Variants in SLCO5A1 observed in about 807,000 individuals in gnomAD.
SLCO5A1 encodes the protein organic anion transporter polypeptide-related protein 4.
SLCO5A1 carries 39 observed loss-of-function variants against 65.1 expected under a neutral mutation model. That is an observed-to-expected ratio of 0.60 (90% CI 0.46 to 0.78). The LOEUF (loss-of-function observed/expected upper bound fraction) is 0.78. Among genes scored for constraint, SLCO5A1 ranks in the 30% least tolerant of loss-of-function variants. SLCO5A1 has a pLI of 0.00. For missense variants in SLCO5A1, 1,029 were observed against 1,069.4 expected, an observed-to-expected ratio of 0.96 and a Z score of 0.53; for synonymous variants, 438 against 415.7, an observed-to-expected ratio of 1.05 and a Z score of -0.65.
chr8:69,706,580 G>A (rs1814978645), intron 5 of SLCO5A1, among the ~76,000 whole-genome samples: 1 of 152,180 alleles, frequency 6.6e-6, no homozygotes, highest in Admixed American at 6.5e-5. Context: ...ACCTTTCCAT[G>A]TGAAGTTACA....
At chr8:69,787,967 G>A (rs1020015342) in intron 2 of SLCO5A1, among the ~76,000 whole-genome samples, 3 of 152,102 alleles carry the variant, frequency 2.0e-5, no homozygotes, top group Non-Finnish European at 4.4e-5. Flanking sequence ...CCCAAATCAT[G>A]AATCAAACCC....
chr8:69,818,762 T>G (rs1481923158), intron 2 of SLCO5A1, among the ~76,000 whole-genome samples: 1 of 152,122 alleles, frequency 6.6e-6, no homozygotes, highest in African/African-American at 2.4e-5. Context: ...TGATCAAAAT[T>G]CAATCATTAC....
intron 2 of SLCO5A1, among the ~76,000 whole-genome samples, chr8:69,781,144 C>T (rs1818775338): frequency 6.6e-6 from 1 of 152,212 alleles, no homozygotes; most frequent in Admixed American, 6.5e-5. Flanking sequence ...TGAGTCACTG[C>T]CAGGAAGCAC....
At chr8:69,726,953 T>C (rs970841703) in intron 5 of SLCO5A1, among the ~76,000 whole-genome samples, 2 of 152,234 alleles carry the variant, frequency 1.3e-5, no homozygotes, top group African/African-American at 4.8e-5. Context: ...TTATTACTAA[T>C]AAATGTGCAA....
At chr8:69,834,086 C>CCA (rs60625289) in intron 1 of SLCO5A1, 21,492 of 144,200 alleles carry the variant, frequency 0.15, 1,493 homozygotes, top group Admixed American at 0.2. Flanking sequence ...GCGTGCGCGG[C>CCA]CACACACACA....
At chr8:69,692,768 A>G (rs1351790910) in intron 6 of SLCO5A1, among the ~76,000 whole-genome samples, 2 of 152,194 alleles carry the variant, frequency 1.3e-5, no homozygotes, top group Admixed American at 6.5e-5. Context: ...TTCACGGACC[A>G]TAACATGCAT....
chr8:69,727,532 C>G (rs1469227602), intron 5 of SLCO5A1, among the ~76,000 whole-genome samples: 1 of 152,174 alleles, frequency 6.6e-6, no homozygotes, highest in East Asian at 1.9e-4. Context: ...TTTTCATCAA[C>G]TCTTCACTGG....
chr8:69,708,877 A>C (rs192860966), intron 5 of SLCO5A1, among the ~76,000 whole-genome samples: 88 of 152,284 alleles, frequency 5.8e-4, no homozygotes, highest in African/African-American at 2.1e-3. Context: ...ACTGCACTCC[A>C]GCCTGGGTGA....
intron 3 of SLCO5A1, among the ~76,000 whole-genome samples, chr8:69,757,946 G>GCCTCTACAA (rs1374928322): frequency 6.6e-6 from 1 of 152,144 alleles, no homozygotes; most frequent in African/African-American, 2.4e-5. Context: ...GCTTCAGGCA[G>GCCTCTACAA]ACCTGGGTTT....
intron 3 of SLCO5A1, among the ~76,000 whole-genome samples, chr8:69,759,452 A>G (rs1284691123): frequency 6.6e-6 from 1 of 152,190 alleles, no homozygotes; most frequent in Admixed American, 6.5e-5. Flanking sequence ...TTAGAGTGCT[A>G]GACATGTAAA....
intron 2 of SLCO5A1, among the ~76,000 whole-genome samples, chr8:69,815,224 A>AT (rs1379766990): frequency 6.6e-6 from 1 of 152,226 alleles, no homozygotes; most frequent in East Asian, 1.9e-4. Context: ...ATTAGTCTGC[A>AT]TTGTATTCAT....
At chr8:69,695,291 T>C (rs928307031) in intron 6 of SLCO5A1, among the ~76,000 whole-genome samples, 1 of 152,042 alleles carries the variant, frequency 6.6e-6, no homozygotes, top group Non-Finnish European at 1.5e-5. Flanking sequence ...GGTCAGGAGT[T>C]CAAGACCAGC....
intron 2 of SLCO5A1, among the ~76,000 whole-genome samples, chr8:69,797,780 T>C (rs1019481576): frequency 6.6e-6 from 1 of 152,236 alleles, no homozygotes; most frequent in Non-Finnish European, 1.5e-5. Flanking sequence ...CCTGATAAGA[T>C]GTTATCAATG....
intron 6 of SLCO5A1, 39 bp from the exon 7 acceptor site, chr8:69,682,382 C>T: frequency 6.8e-7 from 1 of 1,459,986 alleles, no homozygotes; most frequent in Non-Finnish European, 9.1e-7. Context: ...CAACACTTAC[C>T]AAAATAAAAC....
chr8:69,831,651 A>G (rs998310054), intron 2 of SLCO5A1, 116 bp downstream of exon 2: 4 of 1,140,062 alleles, frequency 3.5e-6, no homozygotes, highest in Non-Finnish European at 4.9e-6. Flanking sequence ...AAATAAAGTG[A>G]ACTTTAATCT....
intron 3 of SLCO5A1, 71 bp from the exon 4 acceptor site, chr8:69,755,712 G>T: frequency 7.2e-7 from 1 of 1,391,138 alleles, no homozygotes; most frequent in Non-Finnish European, 9.7e-7. Context: ...TAGTAAAGCA[G>T]AAGTTTGTGG....
At chr8:69,747,325 T>G (rs953894947) in intron 4 of SLCO5A1, among the ~76,000 whole-genome samples, 1 of 152,190 alleles carries the variant, frequency 6.6e-6, no homozygotes, top group Non-Finnish European at 1.5e-5. Context: ...TCTTCTTTTA[T>G]GAGTACTTAA....
In SLCO5A1 at chr8:69,832,621, G is replaced by T; in HGVS notation, c.53C>A (p.Pro18Gln). The change falls in exon 2 of 10, where the codon CCG becomes CAG. Residue 18 changes from proline to glutamine, a missense_variant. Physicochemically the swap from Pro to Gln is moderately conservative, Grantham distance 76. This residue lies in a region of SLCO5A1 where 647 missense variants were observed against 647.5 expected (regional missense o/e 1.00). Coordinates refer to ENST00000260126, the MANE Select transcript of SLCO5A1 (RefSeq NM_030958.3). This position sits in a 1 kb window ranked among gnomAD's most constrained non-coding sequence, Gnocchi z 4.5. ...QPGAGEQLEA[P>Q]ATAEAVQERC... ...CTCTTGGACAGCTTCTGCAGTGGCC[G>T]GCGCCTCCAGCTGCTCTCCCGCCCC... 2 of 1,610,092 alleles carry T rather than the reference G, an allele frequency of 1.2e-6. No homozygotes were observed. Among genetic ancestry groups the T allele is most frequent in the Non-Finnish European group, 8.5e-7 (1 of 1,179,918 alleles).
At chr8:69,699,993 G>A (rs1814656741) in intron 6 of SLCO5A1, among the ~76,000 whole-genome samples, 1 of 152,178 alleles carries the variant, frequency 6.6e-6, no homozygotes, top group African/African-American at 2.4e-5. Flanking sequence ...CACTTGCAGT[G>A]GATGAGGTGG....
Sources: allele counts gnomAD v4.1 joint callset (sites outside exome capture counted in the v4.1 genomes callset), GRCh38; gene constraint gnomAD v4.1.1; regional missense constraint gnomAD v4.1.1; non-coding constraint Gnocchi (gnomAD v3.1); transcripts MANE v1.5; gene names NCBI Gene and HGNC (gene_info 2026-07-23, HGNC 2026-07-21).